The following MEIOSIN variants were observed in gnomAD, a reference collection of about 807,000 sequenced individuals.
The protein encoded by MEIOSIN is meiosis initiator, also known as meiosis initiator protein.
In MEIOSIN, 18 loss-of-function variants were observed where a neutral mutation model predicts 23.4. The observed-to-expected ratio is 0.77, with a 90% confidence interval of 0.53 to 1.14. The LOEUF (loss-of-function observed/expected upper bound fraction) is 1.14. MEIOSIN is among the 50% of genes most tolerant of loss of function. MEIOSIN has a pLI of 0.00. For synonymous variants in MEIOSIN, 187 were observed against 100.6 expected (o/e 1.86, Z -5.14); for missense variants, 428 against 242.9 (o/e 1.76, Z -5.07).
chr19:45,757,512 C>G (rs2146196358), intron 9 of MEIOSIN, among the ~76,000 whole-genome samples: 1 of 152,234 alleles, frequency 6.6e-6, no homozygotes. Flanking sequence ...CATTCTGGGT[C>G]TTTTTGGTTT....
At chr19:45,760,633 A>G (rs1026378016) in intron 11 of MEIOSIN, among the ~76,000 whole-genome samples, 1 of 149,950 alleles carries the variant, frequency 6.7e-6, no homozygotes, top group Non-Finnish European at 1.5e-5. Context: ...AAGAAAAAGA[A>G]ATTATCAGGG....
intron 5 of MEIOSIN, among the ~76,000 whole-genome samples, chr19:45,753,000 T>C (rs914432962): frequency 6.9e-6 from 1 of 145,564 alleles, no homozygotes; most frequent in African/African-American, 2.6e-5. Flanking sequence ...TTCGGATCAC[T>C]GCAAGCTCCA....
Position 45,757,264 on chromosome 19 carries a change from G to T in MEIOSIN, c.999G>T (p.Glu333Asp). 1 of 702,868 alleles carries T rather than the reference G, an allele frequency of 1.4e-6. No individual in the cohort carries two copies. The highest frequency in any genetic ancestry group is 2.7e-5 in the East Asian group (1 of 37,294). The allele number at this position is 702,868 out of a possible 1,614,324, so 43.5% of individuals were successfully genotyped here. The stretch of plus-strand genomic sequence containing the variant: ...CTTGGCTCCCTGCCTGGACCCCAGA[G>T]AACAGCCCCCAAGGTGACTGCAACT... ...ADPWLPAWTP[E>D]NSPQGSPLFL... Residue 333 changes from glutamate (E) to aspartate (D), a missense_variant, in exon 9 of 15, where the codon GAG becomes GAT. Transcript: ENST00000457052.
At chr19:45,752,946 G>A (rs999529328) in intron 5 of MEIOSIN, among the ~76,000 whole-genome samples, 11 of 138,454 alleles carry the variant, frequency 7.9e-5, no homozygotes, top group South Asian at 2.3e-4. Flanking sequence ...TTTCTGAGGC[G>A]GAGTCTCGCT....
Position 45,750,688 on chromosome 19 carries a change from T to C in MEIOSIN, c.320T>C (p.Val107Ala). ...TKKLTKKEIL[V>A]HVLQYIQYLQ... ...CTTTTGAGGCAGAAGGAGATTCTGG[T>C]GCATGTCCTGCAGTACATTCAGTAC... Residue 107 changes from valine to alanine, a missense_variant, in exon 5 of 15, where the codon GTG (valine) becomes GCG (alanine). Transcript: ENST00000457052. 1.7e-6 allele frequency: 1 copy of C among 591,104 alleles called. No individual in the cohort carries two copies. The highest frequency in any genetic ancestry group is 3.0e-6 in the Non-Finnish European group (1 of 334,712). The allele number at this position is 591,104 out of a possible 1,614,324, so 36.6% of individuals were successfully genotyped here. A position where few individuals can be genotyped will look rare whatever the true frequency, so the allele number is the denominator to read the frequency against.
At position 45,757,187 on chromosome 19, in the gene MEIOSIN, G is replaced by T; in HGVS notation, c.922G>T (p.Val308Leu). Residue 308 changes from valine to leucine, a missense_variant, in exon 9 of 15, where the codon GTG becomes TTG. Transcript: ENST00000457052. ...CTCCACCTCTTGCAGGCAGAAGCTG[G>T]TGTTCTATGATTCCAGCGAGGATGT... ...KTQPHPRQKL[V>L]FYDSSEDVDK... 1.4e-6 allele frequency: 1 copy of T among 702,924 alleles called. No individual in the cohort carries two copies. Among genetic ancestry groups the T allele is most frequent in the South Asian group, 1.5e-5 (1 of 67,568 alleles). The allele number at this position is 702,924 out of a possible 1,614,324, so 43.5% of individuals were successfully genotyped here. A position where few individuals can be genotyped will look rare whatever the true frequency, so the allele number is the denominator to read the frequency against.
intron 4 of MEIOSIN, among the ~76,000 whole-genome samples, chr19:45,750,161 A>G (rs2036536288): frequency 7.1e-6 from 1 of 141,614 alleles, no homozygotes; most frequent in Non-Finnish European, 1.5e-5. Context: ...GTCGGCAGAG[A>G]CCTTCTTGTT....
intron 5 of MEIOSIN, among the ~76,000 whole-genome samples, chr19:45,752,264 A>G (rs1968727196): frequency 6.6e-6 from 1 of 150,760 alleles, no homozygotes; most frequent in Non-Finnish European, 1.5e-5. Context: ...CGCCCAGACT[A>G]GAGTGCAGTG....
At chr19:45,763,076 C>G (rs1473228751) in intron 13 of MEIOSIN, among the ~76,000 whole-genome samples, 1 of 152,214 alleles carries the variant, frequency 6.6e-6, no homozygotes, top group Non-Finnish European at 1.5e-5. Flanking sequence ...AGGCCCCCCC[C>G]AAGCCACAGT....
intron 4 of MEIOSIN, among the ~76,000 whole-genome samples, chr19:45,747,259 C>T (rs972969588): frequency 6.6e-6 from 1 of 152,190 alleles, no homozygotes; most frequent in African/African-American, 2.4e-5. Flanking sequence ...ACAGACAACC[C>T]GCATCCCGGG....
At chr19:45,742,693 G>A (rs1267009094) in intron 3 of MEIOSIN, among the ~76,000 whole-genome samples, 2 of 151,832 alleles carry the variant, frequency 1.3e-5, no homozygotes, top group African/African-American at 2.4e-5. Flanking sequence ...GCAGGAGAAC[G>A]TGAGGGTGAG....
At chr19:45,741,921 G>A (rs761920675) in intron 3 of MEIOSIN, among the ~76,000 whole-genome samples, 1 of 151,872 alleles carries the variant, frequency 6.6e-6, no homozygotes, top group Non-Finnish European at 1.5e-5. Context: ...TGCCCAGGCT[G>A]GAGTGCAATG....
intron 13 of MEIOSIN, among the ~76,000 whole-genome samples, chr19:45,762,965 G>A (rs910315724): frequency 1.3e-5 from 2 of 152,192 alleles, no homozygotes. Context: ...GGGAGGAGGA[G>A]AGGTCTCTAA....
At chr19:45,743,838 A>G (rs138328796) in intron 3 of MEIOSIN, among the ~76,000 whole-genome samples, 1 of 150,658 alleles carries the variant, frequency 6.6e-6, no homozygotes, top group African/African-American at 2.4e-5. Flanking sequence ...TTATTTTTTC[A>G]TAAAGGCGAG....
rs527284372 is a variant in MEIOSIN, at chr19:45,746,113, C to T, written c.306+792C>T. On this transcript the variant is annotated intron_variant, in intron 4 of 14. Coordinates refer to ENST00000457052, the MANE Select transcript of MEIOSIN (RefSeq NM_001310124.2). ...CCTCCCGAGTAGCTGAGACTACAGGCTCATGCCACACCTGGCTAATTTTTT... is the reference window on the plus strand; with the variant it reads ...CCTCCCGAGTAGCTGAGACTACAGGTTCATGCCACACCTGGCTAATTTTTT... Among the ~76,000 whole-genome samples, 433 of 152,226 alleles carry T rather than the reference C, an allele frequency of 2.8e-3. 1 individual carries two copies. The highest frequency in any genetic ancestry group is 9.7e-3 in the African/African-American group (404 of 41,556).
Position 45,754,851 on chromosome 19 carries a change from C to T in MEIOSIN, c.802+127C>T, listed in dbSNP as rs141732197. On this transcript the variant is annotated intron_variant, in intron 7 of 14. Coordinates refer to ENST00000457052, the MANE Select transcript of MEIOSIN (RefSeq NM_001310124.2). ...AGTGAATAGGAAACACCGCCTCTTA[C>T]TTCTCAAGCTTGTGGCCTTGCTCTG... The T allele has an allele frequency of 2.5e-3, 1,572 of 626,090 alleles. 9 individuals carry two copies. Among genetic ancestry groups the T allele is most frequent in the Middle Eastern group, 8.4e-3 (21 of 2,488 alleles). The allele number at this position is 626,090 out of a possible 1,614,324, so 38.8% of individuals were successfully genotyped here.
chr19:45,746,233 C>T lies in MEIOSIN; in HGVS notation c.306+912C>T, dbSNP rs189096683. ...CCTCCCACCTTGGCCTCCCAAAGTTCGGGGATTACAGGCATAAGCCACTGC... is the reference window on the plus strand; with the variant it reads ...CCTCCCACCTTGGCCTCCCAAAGTTTGGGGATTACAGGCATAAGCCACTGC... On this transcript the variant is annotated intron_variant, in intron 4 of 14. Coordinates refer to ENST00000457052, the MANE Select transcript of MEIOSIN (RefSeq NM_001310124.2). 5.3e-3 allele frequency among the ~76,000 whole-genome samples: 813 copies of T among 152,272 alleles called. 6 individuals are homozygous for T. The highest frequency in any genetic ancestry group is 7.2e-3 in the Non-Finnish European group (487 of 68,024).
chr19:45,742,518 G>A (rs948973326), intron 3 of MEIOSIN, among the ~76,000 whole-genome samples: 3 of 151,854 alleles, frequency 2.0e-5, no homozygotes, highest in Admixed American at 6.6e-5. Context: ...GGTGGCTCAC[G>A]CCTGTAATCC....
At chr19:45,763,752 T>TCAA (rs1278930192) in intron 14 of MEIOSIN, among the ~76,000 whole-genome samples, 1 of 152,136 alleles carries the variant, frequency 6.6e-6, no homozygotes, top group Non-Finnish European at 1.5e-5. Context: ...CCCTCCACCT[T>TCAA]CAAGGAGCTG....
Sources: allele counts gnomAD v4.1 joint callset (sites outside exome capture counted in the v4.1 genomes callset), GRCh38; gene constraint gnomAD v4.1.1; transcripts MANE v1.5; gene names NCBI Gene and HGNC (gene_info 2026-07-23, HGNC 2026-07-21).